The following ZFAND3 variants were observed in gnomAD, a reference collection of about 807,000 sequenced individuals.
ZFAND3 encodes the protein AN1-type zinc finger protein 3.
Under a neutral mutation model 29.6 loss-of-function variants are expected in ZFAND3, and 10 were observed. The observed-to-expected ratio is 0.34, with a 90% CI of 0.21 to 0.57. The LOEUF is 0.57. ZFAND3 is among the 20% of genes least tolerant of loss of function. The probability of loss-of-function intolerance (pLI) is 0.86; values close to 1 mark genes in which losing one functional copy is unlikely to be tolerated. For missense variants in ZFAND3, 230 were observed against 304.5 expected, an observed-to-expected ratio of 0.76 and a Z score of 1.82; for synonymous variants, 128 against 112.6, an observed-to-expected ratio of 1.14 and a Z score of -0.87.
chr6:38,143,620 G>C (rs971865091), intron 5 of ZFAND3, among the ~76,000 whole-genome samples: 11 of 152,252 alleles, frequency 7.2e-5, no homozygotes, highest in African/African-American at 2.7e-4. Context: ...GAGGAGGAGT[G>C]TGGGCTTTTC....
rs976434838 is a variant in ZFAND3, at chr6:38,152,726, G to A, written c.*337G>A. On this transcript the variant is annotated 3_prime_UTR_variant, in exon 6 of 6. Coordinates refer to ENST00000287218, the MANE Select transcript of ZFAND3 (RefSeq NM_021943.3). The stretch of plus-strand genomic sequence containing the variant: ...GCCTTAAGTGGAAAGTGTTCCAGAC[G>A]GAGACTCTGAGTTAATAGAGGAGTA... 18 of 1,026,842 alleles carry A rather than the reference G, an allele frequency of 1.8e-5. No homozygotes were observed. The highest frequency in any genetic ancestry group is 3.4e-5 in the African/African-American group (2 of 58,828). 63.6% of individuals were successfully genotyped at this position (1,026,842 alleles called of 1,614,324 possible). A position where few individuals can be genotyped will look rare whatever the true frequency, so the allele number is the denominator to read the frequency against.
intron 2 of ZFAND3, among the ~76,000 whole-genome samples, chr6:37,958,394 C>G (rs7765448): frequency 0.024 from 3,339 of 141,474 alleles, 83 homozygotes; most frequent in African/African-American, 0.067. Context: ...GTGGAGGTTA[C>G]AGTGAGCTGA....
intron 1 of ZFAND3, among the ~76,000 whole-genome samples, chr6:37,870,278 G>T (rs560764828): frequency 8.5e-6 from 1 of 117,030 alleles, no homozygotes; most frequent in East Asian, 2.7e-4. Context: ...CTGGGCGACA[G>T]AGCGAGACTG....
intron 1 of ZFAND3, among the ~76,000 whole-genome samples, chr6:37,900,124 T>C (rs1765292922): frequency 6.6e-6 from 1 of 152,216 alleles, no homozygotes; most frequent in Admixed American, 6.5e-5. Flanking sequence ...ATTTAGGTTA[T>C]TACCAATCTT....
At chr6:38,018,650 A>G (rs1181127996) in intron 2 of ZFAND3, among the ~76,000 whole-genome samples, 2 of 152,138 alleles carry the variant, frequency 1.3e-5, no homozygotes, top group South Asian at 2.1e-4. Flanking sequence ...GTGGCTGTAT[A>G]GTTTTACATT....
intron 1 of ZFAND3, among the ~76,000 whole-genome samples, chr6:37,910,616 C>G (rs1765502684): frequency 6.6e-6 from 1 of 152,122 alleles, no homozygotes; most frequent in African/African-American, 2.4e-5. Context: ...CATTTAAAAT[C>G]TCTTAGCAAT....
intron 1 of ZFAND3, among the ~76,000 whole-genome samples, chr6:37,926,552 C>T (rs565092346): frequency 1.3e-5 from 2 of 152,312 alleles, no homozygotes; most frequent in African/African-American, 4.8e-5. Context: ...TTAGGGTTCA[C>T]CTGGATAATC....
At chr6:38,120,052 AT>A (rs1765499587) in intron 5 of ZFAND3, among the ~76,000 whole-genome samples, 1 of 152,128 alleles carries the variant, frequency 6.6e-6, no homozygotes, top group Non-Finnish European at 1.5e-5. Flanking sequence ...CGAGGCTGGG[AT>A]TATATCCTGC....
intron 2 of ZFAND3, among the ~76,000 whole-genome samples, chr6:38,006,425 T>A (rs1224359895): frequency 1.3e-5 from 2 of 152,234 alleles, no homozygotes; most frequent in African/African-American, 4.8e-5. Flanking sequence ...CTGTCCTTTT[T>A]AAATTAAATA....
intron 5 of ZFAND3, 74 bp downstream of exon 5, chr6:38,116,813 G>T: frequency 1.3e-6 from 2 of 1,539,414 alleles, no homozygotes; most frequent in Non-Finnish European, 1.8e-6. Flanking sequence ...AATTTAAGTG[G>T]CTGAAGTCTT....
intron 1 of ZFAND3, among the ~76,000 whole-genome samples, chr6:37,860,686 T>A (rs2127383605): frequency 6.7e-6 from 1 of 149,768 alleles, no homozygotes; most frequent in Non-Finnish European, 1.5e-5. Flanking sequence ...GTTAACACTA[T>A]ATACCATATA....
At chr6:38,050,933 A>G (rs982098361) in intron 2 of ZFAND3, among the ~76,000 whole-genome samples, 1 of 152,174 alleles carries the variant, frequency 6.6e-6, no homozygotes, top group Non-Finnish European at 1.5e-5. Flanking sequence ...CAGAGCTTAA[A>G]TGAAGGAGAC....
intron 2 of ZFAND3, among the ~76,000 whole-genome samples, chr6:37,992,049 C>T (rs1235118106): frequency 6.6e-6 from 1 of 152,008 alleles, no homozygotes; most frequent in Non-Finnish European, 1.5e-5. Flanking sequence ...TTTGAAAATA[C>T]TTTATTCTTG....
At chr6:38,041,631 TTTCTTCTTCTTCTTC>T (rs1193585476) in intron 2 of ZFAND3, among the ~76,000 whole-genome samples, 16 of 56,244 alleles carry the variant, frequency 2.8e-4, no homozygotes, top group Non-Finnish European at 4.2e-4. Flanking sequence ...TTATCTACTT[TTTCTTCTTCTTCTTC>T]TTCTTCTTCT....
chr6:37,822,562 G>A (rs79339238), intron 1 of ZFAND3, among the ~76,000 whole-genome samples: 9,685 of 152,192 alleles, frequency 0.064, 433 homozygotes, highest in Non-Finnish European at 0.093. Flanking sequence ...ATATAATGGT[G>A]GGCAAGGAGG....
intron 1 of ZFAND3, among the ~76,000 whole-genome samples, chr6:37,875,341 A>G (rs1764772208): frequency 6.6e-6 from 1 of 152,222 alleles, no homozygotes; most frequent in South Asian, 2.1e-4. Context: ...GGATTTTATA[A>G]ACATTTGATG....
intron 3 of ZFAND3, 137 bp from the exon 4 acceptor site, chr6:38,082,255 G>A (rs147874582): frequency 5.9e-5 from 41 of 689,650 alleles, no homozygotes; most frequent in Middle Eastern, 3.3e-4. Context: ...CACCACCACC[G>A]TCTTTCCTAC....
intron 5 of ZFAND3, 137 bp downstream of exon 5, chr6:38,116,876 G>A: frequency 2.6e-6 from 3 of 1,149,046 alleles, no homozygotes; most frequent in Admixed American, 5.8e-5. Flanking sequence ...TGCGATATAG[G>A]TTTGGGGCTT....
chr6:38,048,715 G>T (rs976852588), intron 2 of ZFAND3, among the ~76,000 whole-genome samples: 1 of 151,688 alleles, frequency 6.6e-6, no homozygotes, highest in African/African-American at 2.4e-5. Flanking sequence ...CGTTTTTGCA[G>T]TTGAGGAAAC....
Sources: allele counts gnomAD v4.1 joint callset (sites outside exome capture counted in the v4.1 genomes callset), GRCh38; gene constraint gnomAD v4.1.1; transcripts MANE v1.5; gene names NCBI Gene and HGNC (gene_info 2026-07-23, HGNC 2026-07-21).